Variants in AKAP19 observed in about 807,000 individuals in gnomAD.
AKAP19 encodes small A-kinase anchoring protein.
the AKAP19 span, chr2:190,079,957 A>T: frequency 6.6e-6 from 1 of 151,794 alleles, no homozygotes; most frequent in Non-Finnish European, 1.5e-5. Context: ...GTTGTAGCCT[A>T]TTGGACCTGC....
the AKAP19 span, among the ~76,000 whole-genome samples, chr2:190,158,577 G>C: frequency 1.3e-5 from 2 of 152,118 alleles, no homozygotes; most frequent in Non-Finnish European, 2.9e-5. Context: ...TAATGATATT[G>C]ATTAAATTGT....
chr2:189,930,517 A>T, the AKAP19 span: 1 of 207,582 alleles, frequency 4.8e-6, no homozygotes, highest in Non-Finnish European at 9.7e-6. Context: ...TCTCTACTAA[A>T]AATACAAAAA....
At chr2:189,985,420 C>A in the AKAP19 span, among the ~76,000 whole-genome samples, 1 of 152,174 alleles carries the variant, frequency 6.6e-6, no homozygotes, top group African/African-American at 2.4e-5. Context: ...TGGCAAGCAT[C>A]TACATATCTT....
chr2:190,084,509 G>T, the AKAP19 span, among the ~76,000 whole-genome samples: 2 of 152,080 alleles, frequency 1.3e-5, no homozygotes, highest in Non-Finnish European at 2.9e-5. Context: ...GCCCCTTATT[G>T]ACTATTTTTT....
chr2:190,123,147 A>T, the AKAP19 span, among the ~76,000 whole-genome samples: 1 of 152,082 alleles, frequency 6.6e-6, no homozygotes, highest in South Asian at 2.1e-4. Flanking sequence ...TAGCATAAGA[A>T]CTTGAATATT....
the AKAP19 span, among the ~76,000 whole-genome samples, chr2:190,032,173 T>C: frequency 6.6e-6 from 1 of 152,208 alleles, no homozygotes; most frequent in African/African-American, 2.4e-5. Context: ...AAGTGCACAC[T>C]CAGCATTTTC....
the AKAP19 span, among the ~76,000 whole-genome samples, chr2:190,034,856 C>CAAAAA: frequency 1.3e-4 from 9 of 68,602 alleles, no homozygotes; most frequent in African/African-American, 2.5e-4. Context: ...CCTGTCTCAC[C>CAAAAA]AAAAAAAAAA....
the AKAP19 span, among the ~76,000 whole-genome samples, chr2:189,914,777 C>T: frequency 1.3e-5 from 2 of 151,998 alleles, no homozygotes; most frequent in Admixed American, 6.5e-5. Flanking sequence ...TTGTGTGAGG[C>T]ACTTTATTAT....
At chr2:189,893,679 C>A in the AKAP19 span, among the ~76,000 whole-genome samples, 6 of 152,172 alleles carry the variant, frequency 3.9e-5, no homozygotes, top group Non-Finnish European at 7.4e-5. Flanking sequence ...TCGTGCCAGC[C>A]ACCTTTGTGC....
At chr2:190,100,250 TA>T in the AKAP19 span, among the ~76,000 whole-genome samples, 4 of 150,940 alleles carry the variant, frequency 2.7e-5, no homozygotes, top group African/African-American at 7.3e-5. Context: ...CTGCAAGAAA[TA>T]AAAAAAAACC....
the AKAP19 span, among the ~76,000 whole-genome samples, chr2:189,981,994 C>G: frequency 6.6e-6 from 1 of 152,058 alleles, no homozygotes; most frequent in Non-Finnish European, 1.5e-5. Context: ...GGATGGTCAT[C>G]TTGCATGGCA....
chr2:189,900,909 G>A, the AKAP19 span, among the ~76,000 whole-genome samples: 4 of 152,124 alleles, frequency 2.6e-5, no homozygotes, highest in Admixed American at 2.0e-4. Context: ...AGAAGGCTAC[G>A]TACGCTACTG....
At chr2:190,010,786 C>A in the AKAP19 span, among the ~76,000 whole-genome samples, 1 of 151,970 alleles carries the variant, frequency 6.6e-6, no homozygotes, top group African/African-American at 2.4e-5. Flanking sequence ...TTCTGGAGTG[C>A]AAAGTAATGC....
chr2:190,057,173 C>T, the AKAP19 span: 1 of 1,464,532 alleles, frequency 6.8e-7, no homozygotes, highest in Non-Finnish European at 9.5e-7. Context: ...GGCCTATAGC[C>T]TGTGGTACTT....
At chr2:190,105,108 T>C in the AKAP19 span, among the ~76,000 whole-genome samples, 2 of 152,114 alleles carry the variant, frequency 1.3e-5, no homozygotes, top group Admixed American at 1.3e-4. Flanking sequence ...AAAGTACTGT[T>C]TGACCCAGCA....
chr2:190,074,305 A>G, the AKAP19 span, among the ~76,000 whole-genome samples: 1 of 152,178 alleles, frequency 6.6e-6, no homozygotes, highest in African/African-American at 2.4e-5. Flanking sequence ...TGGATATGAA[A>G]ACATTTTAAG....
At chr2:189,913,487 CTA>C in the AKAP19 span, among the ~76,000 whole-genome samples, 2 of 152,172 alleles carry the variant, frequency 1.3e-5, no homozygotes, top group East Asian at 1.9e-4. Flanking sequence ...CCTCCTAAAA[CTA>C]TATGTTACAT....
the AKAP19 span, among the ~76,000 whole-genome samples, chr2:189,961,994 G>A: frequency 2.0e-5 from 3 of 151,942 alleles, no homozygotes; most frequent in Non-Finnish European, 4.4e-5. Flanking sequence ...CAAATGAATG[G>A]CCATTATTCT....
At chr2:189,902,264 CCTAT>C in the AKAP19 span, among the ~76,000 whole-genome samples, 6 of 151,832 alleles carry the variant, frequency 4.0e-5, no homozygotes, top group African/African-American at 7.2e-5. Flanking sequence ...TCTTAATTAT[CCTAT>C]CTGTTTTTTT....
Sources: gnomAD v4.1 joint callset for allele counts (sites outside exome capture counted in the v4.1 genomes callset) on GRCh38, gnomAD v4.1.1 for gene constraint, MANE v1.5 for transcripts, NCBI Gene and HGNC (gene_info 2026-07-23, HGNC 2026-07-21) for gene names.